The following JAG2 variants were observed in gnomAD, a reference collection of about 807,000 sequenced individuals.
The protein encoded by JAG2 is jagged canonical Notch ligand 2.
A neutral mutation model predicts 141.7 loss-of-function variants in JAG2; 46 were observed. That is an observed-to-expected ratio of 0.32 (90% CI 0.26 to 0.42). JAG2 has a LOEUF of 0.42. Among genes scored for constraint, JAG2 ranks in the 10% least tolerant of loss-of-function variants. The pLI is 1.00. For missense variants in JAG2, 1,500 were observed against 1,817.5 expected, an observed-to-expected ratio of 0.83 and a Z score of 3.18; for synonymous variants, 862 against 763.5, an observed-to-expected ratio of 1.13 and a Z score of -2.13.
intron 12 of JAG2, among the ~76,000 whole-genome samples, chr14:105,150,374 C>A (rs1202850062): frequency 6.6e-6 from 1 of 152,110 alleles, no homozygotes; most frequent in Non-Finnish European, 1.5e-5. Context: ...CTAGCCCAGG[C>A]CACCAGGAAA....
rs780910029 is a variant in JAG2, at chr14:105,151,362, G to A, written c.1188C>T (p.Ala396=). ...IDECASNPCA[A]GGTCVDQVDG... ...CCACCTGGTCCACACAGGTGCCACC[G>A]GCCGCACACGGGTTCGAAGCACACT... The change falls in exon 9 of 26, where the codon GCC becomes GCT. Residue 396 remains alanine (A), a synonymous_variant. Transcript: ENST00000331782. 8.6e-5 allele frequency: 139 copies of A among 1,612,130 alleles called. 2 individuals are homozygous for A. Among genetic ancestry groups the A allele is most frequent in the South Asian group, 8.5e-4 (77 of 91,094 alleles).
Position 105,152,388 on chromosome 14 carries a change from C to T in JAG2, c.789-97G>A, listed in dbSNP as rs587721752. The T allele has an allele frequency of 1.6e-4, 235 of 1,443,218 alleles. No homozygotes were observed. In the African/African-American group the frequency reaches 2.6e-3, roughly 16 times the overall value. 89.4% of individuals were successfully genotyped at this position (1,443,218 alleles called of 1,614,324 possible). On this transcript the variant is annotated intron_variant, in intron 5 of 25. Coordinates refer to ENST00000331782, the MANE Select transcript of JAG2 (RefSeq NM_002226.5). ...CAGTCACCCACGCCACACCCAGGGC[C>T]GGCGGGCGGCCTCAGGCCTTTGAAC...
In JAG2 at chr14:105,154,501, C is replaced by G. The variant is rs1888524131; in HGVS notation, c.788+1061G>C. Among the ~76,000 whole-genome samples the G allele has an allele frequency of 6.6e-6, 1 of 152,316 alleles. No individual in the cohort carries two copies. Among genetic ancestry groups the G allele is most frequent in the East Asian group, 1.9e-4 (1 of 5,174 alleles). On this transcript the variant is annotated intron_variant, in intron 5 of 25. Transcript: ENST00000331782. This position sits in a 1 kb window ranked among gnomAD's most constrained non-coding sequence, Gnocchi z 4.4. ...ACTCTAGGGCAAAGCTGCCAGCCCC[C>G]CTGGCTGGATCCCCCACACTCTGGT...
intron 25 of JAG2, 118 bp from the exon 26 acceptor site, chr14:105,143,288 TTGCTGGCTCGTGG>T: frequency 1.5e-6 from 2 of 1,350,850 alleles, no homozygotes; most frequent in Non-Finnish European, 2.0e-6. Flanking sequence ...CACCCTCCGG[TTGCTGGCTCGTGG>T]GGAGGGTCCC....
intron 18 of JAG2, 25 bp downstream of exon 18, chr14:105,147,747 C>A: frequency 6.7e-7 from 1 of 1,483,012 alleles, no homozygotes; most frequent in Non-Finnish European, 9.2e-7. Flanking sequence ...AAAGCGGCCC[C>A]CGCCCACACC....
At chr14:105,160,404 G>A (rs1290728201) in intron 2 of JAG2, among the ~76,000 whole-genome samples, 3 of 140,046 alleles carry the variant, frequency 2.1e-5, no homozygotes, top group Admixed American at 7.5e-5. Flanking sequence ...AACACCTGGA[G>A]CACCCAGCCG....
intron 24 of JAG2, 55 bp from the exon 25 acceptor site, chr14:105,143,693 G>A: frequency 1.3e-6 from 2 of 1,590,120 alleles, no homozygotes; most frequent in Non-Finnish European, 8.5e-7. Flanking sequence ...GCTCCCAGCA[G>A]CCTGCCCCCA....
Position 105,144,064 on chromosome 14 carries a change from C to T in JAG2, c.3085-426G>A, listed in dbSNP as rs587698739. Among the ~76,000 whole-genome samples the T allele has an allele frequency of 2.0e-4, 31 of 151,242 alleles. No individual in the cohort carries two copies. The South Asian group carries it at 3.4e-3, about 16-fold the overall frequency. ...GCACACAGGAGAGCCCGGGGTCCTG[C>T]GGTGGGGACCTCGCCACCAGGCAGT... On this transcript the variant is annotated intron_variant, in intron 24 of 25. Coordinates refer to ENST00000331782, the MANE Select transcript of JAG2 (RefSeq NM_002226.5).
At chr14:105,153,125 C>A (rs1322065221) in intron 5 of JAG2, among the ~76,000 whole-genome samples, 1 of 152,158 alleles carries the variant, frequency 6.6e-6, no homozygotes, top group Non-Finnish European at 1.5e-5. Context: ...CTCTCCGGTC[C>A]TGCAGGACGG....
intron 5 of JAG2, among the ~76,000 whole-genome samples, chr14:105,155,183 C>A (rs981395520): frequency 2.6e-5 from 4 of 151,836 alleles, no homozygotes; most frequent in Admixed American, 6.6e-5. Flanking sequence ...CTCTGCCGCC[C>A]CTCGCCTGCT....
At chr14:105,155,367 G>A (rs1320598366) in intron 5 of JAG2, among the ~76,000 whole-genome samples, 195 bp downstream of exon 5, 2 of 152,068 alleles carry the variant, frequency 1.3e-5, no homozygotes, top group South Asian at 2.1e-4. Context: ...CATGGCTGCC[G>A]CCATCAGACA....
At chr14:105,149,390 T>C (rs944992384) in intron 12 of JAG2, 70 bp from the exon 13 acceptor site, 2 of 1,599,296 alleles carry the variant, frequency 1.3e-6, no homozygotes, top group African/African-American at 2.7e-5. Flanking sequence ...CAGGCCTCTG[T>C]CCATACGAAG....
At position 105,167,705 on chromosome 14, in the gene JAG2, G is replaced by A. The variant is rs1888962590; in HGVS notation, c.417+52C>T. On this transcript the variant is annotated intron_variant, in intron 2 of 25. Transcript: ENST00000331782. This position sits in a 1 kb window ranked among gnomAD's most constrained non-coding sequence, Gnocchi z 4.8. ...GGGGGTCGCGAAGCGCGCGGGGCCG[G>A]GGCGCGGAGAGAGAGGGAAGGGCTG... 6 of 1,379,952 alleles carry A rather than the reference G, an allele frequency of 4.3e-6. No homozygotes were observed. The highest frequency in any genetic ancestry group is 5.6e-6 in the Non-Finnish European group (6 of 1,066,098). The allele number at this position is 1,379,952 out of a possible 1,614,324, so 85.5% of individuals were successfully genotyped here.
intron 24 of JAG2, among the ~76,000 whole-genome samples, chr14:105,144,272 C>T (rs990594065): frequency 6.6e-6 from 1 of 152,032 alleles, no homozygotes; most frequent in African/African-American, 2.4e-5. Flanking sequence ...TCCCTGATGG[C>T]GCCCTGACCT....
chr14:105,147,103 G>A lies in JAG2; in HGVS notation c.2479+223C>T. ...AACCCCCACAGCTCCCTGGGCCCCG[G>A]ACTGGTCCCCCAGGCTGGGGCTCCC... On this transcript the variant is annotated intron_variant, in intron 20 of 25. Transcript: ENST00000331782. 4 of 623,486 alleles carry A rather than the reference G, an allele frequency of 6.4e-6. No individual in the cohort carries two copies. In the East Asian group the frequency reaches 1.1e-4, roughly 17 times the overall value. The allele number at this position is 623,486 out of a possible 1,614,324, so 38.6% of individuals were successfully genotyped here.
At chr14:105,144,782 G>C in intron 24 of JAG2, 148 bp downstream of exon 24, 1 of 1,047,706 alleles carries the variant, frequency 9.5e-7, no homozygotes, top group Non-Finnish European at 1.4e-6. Flanking sequence ...CTGCGGCATG[G>C]ACAGCGAGGG....
At chr14:105,168,222 C>A in intron 1 of JAG2, 115 bp from the exon 2 acceptor site, 1 of 935,780 alleles carries the variant, frequency 1.1e-6, no homozygotes, top group Non-Finnish European at 1.3e-6. Flanking sequence ...CGCGCCCGCC[C>A]GGAGCCCCAG....
At position 105,146,018 on chromosome 14, in the gene JAG2, G is replaced by T. The variant is rs781647674; in HGVS notation, c.2710-45C>A. On this transcript the variant is annotated intron_variant, in intron 22 of 25. Transcript: ENST00000331782. ...AGGGTCAGGCGCAGGCGCACAGGAG[G>T]GTCAGATGCAGGCACACAGATGAGA... 3.8e-6 allele frequency: 6 copies of T among 1,574,664 alleles called. No individual in the cohort carries two copies. In the African/African-American group the frequency reaches 8.1e-5, roughly 21 times the overall value.
In JAG2 at chr14:105,149,193, G is replaced by C; in HGVS notation, c.1730C>G (p.Pro577Arg). ...ACCTCTGCAGGCCCCGCCAGGGCAC[G>C]GCTCGCGGGGCACGGAGCAGTTCTT... The part of the protein sequence containing the change: ...GGKNCSVPRE[P>R]CPGGACRVID... Residue 577 changes from proline (P) to arginine (R), a missense_variant, in exon 13 of 26, where the codon CCG becomes CGG. Around this residue, in one of 3 missense-constraint regions of JAG2, gnomAD observed 875 missense variants for 1,202.2 expected, o/e 0.73. Transcript: ENST00000331782. 2.2e-6 allele frequency: 3 copies of C among 1,390,288 alleles called. No homozygotes were observed. Among genetic ancestry groups the C allele is most frequent in the Non-Finnish European group, 2.9e-6 (3 of 1,042,974 alleles). 86.1% of individuals were successfully genotyped at this position (1,390,288 alleles called of 1,614,324 possible). A position where few individuals can be genotyped will look rare whatever the true frequency, so the allele number is the denominator to read the frequency against.
Sources: allele counts gnomAD v4.1 joint callset (sites outside exome capture counted in the v4.1 genomes callset), GRCh38; gene constraint gnomAD v4.1.1; regional missense constraint gnomAD v4.1.1; non-coding constraint Gnocchi (gnomAD v3.1); transcripts MANE v1.5; gene names NCBI Gene and HGNC (gene_info 2026-07-23, HGNC 2026-07-21).